The following MUCL1 variants were observed in gnomAD, a reference collection of about 807,000 sequenced individuals.
MUCL1 encodes the protein mucin like 1.
MUCL1 carries 11 observed loss-of-function variants against 9.2 expected under a neutral mutation model. The observed-to-expected ratio is 1.19, with a 90% CI of 0.75 to 1.97. The LOEUF is 1.97. Ranked by LOEUF, MUCL1 falls within the 30% of genes most tolerant of loss-of-function variation. MUCL1 has a pLI of 0.00. For synonymous variants in MUCL1, 48 were observed against 40.5 expected (o/e 1.19, Z -0.71); for missense variants, 144 against 110.9 (o/e 1.30, Z -1.34).
chr12:54,832,294 G>T (rs914094349), intron 1 of MUCL1, among the ~76,000 whole-genome samples: 2 of 152,030 alleles, frequency 1.3e-5, no homozygotes, highest in Non-Finnish European at 2.9e-5. Context: ...CTGTTAAAAA[G>T]ACAAATTTTG....
At chr12:54,837,796 A>G (rs949803534), upstream of MUCL1, among the ~76,000 whole-genome samples, 6 of 152,182 alleles carry the variant, frequency 3.9e-5, no homozygotes, top group African/African-American at 1.4e-4. Context: ...AAACAAAAAA[A>G]ATCAATGCTT....
upstream of MUCL1, among the ~76,000 whole-genome samples, chr12:54,834,809 A>G (rs1043561037): frequency 2.6e-5 from 4 of 152,046 alleles, no homozygotes; most frequent in Non-Finnish European, 5.9e-5. Flanking sequence ...GATGAATTGT[A>G]GAGTGGAGAA....
intron 1 of MUCL1, among the ~76,000 whole-genome samples, chr12:54,832,692 C>A (rs141053332): frequency 2.3e-4 from 35 of 152,048 alleles, no homozygotes; most frequent in Non-Finnish European, 4.6e-4. Context: ...TCACAGACGG[C>A]CCCTGGAAAA....
At chr12:54,839,212 A>C (rs892113799), upstream of MUCL1, among the ~76,000 whole-genome samples, 3 of 152,076 alleles carry the variant, frequency 2.0e-5, no homozygotes, top group Non-Finnish European at 4.4e-5. Context: ...TTGGTTATAG[A>C]GAGTCTTTGT....
chr12:54,847,324 A>C (rs1959271053), intron 1 of MUCL1, among the ~76,000 whole-genome samples: 2 of 152,192 alleles, frequency 1.3e-5, no homozygotes, highest in Admixed American at 1.3e-4. Flanking sequence ...ACAAGCAAAG[A>C]GCAAAGAAAG....
At chr12:54,856,062 A>C (rs969967079) in intron 2 of MUCL1, among the ~76,000 whole-genome samples, 3 of 152,072 alleles carry the variant, frequency 2.0e-5, no homozygotes, top group Non-Finnish European at 4.4e-5. Context: ...AGAGAGAGAT[A>C]ATTTTCAAAA....
intron 1 of MUCL1, among the ~76,000 whole-genome samples, chr12:54,831,581 G>A (rs1014122214): frequency 2.6e-5 from 4 of 151,870 alleles, no homozygotes; most frequent in African/African-American, 9.7e-5. Context: ...TTTCTTTTTG[G>A]TAACTTGAAA....
chr12:54,845,956 G>T (rs1959247564), intron 1 of MUCL1, among the ~76,000 whole-genome samples: 1 of 152,012 alleles, frequency 6.6e-6, no homozygotes, highest in Admixed American at 6.6e-5. Flanking sequence ...ATCATATACT[G>T]CATTTAATTG....
intron 1 of MUCL1, among the ~76,000 whole-genome samples, chr12:54,854,845 T>C (rs1868287472): frequency 6.6e-6 from 1 of 152,180 alleles, no homozygotes; most frequent in African/African-American, 2.4e-5. Flanking sequence ...CAATAATACC[T>C]TGGAACCCAA....
chr12:54,836,204 A>C (rs550887045), upstream of MUCL1, among the ~76,000 whole-genome samples: 1 of 152,158 alleles, frequency 6.6e-6, no homozygotes, highest in Non-Finnish European at 1.5e-5. Context: ...CTGTGAATCT[A>C]CCTGGCTGTG....
At chr12:54,843,553 T>C (rs1435086419) in intron 1 of MUCL1, among the ~76,000 whole-genome samples, 3 of 152,188 alleles carry the variant, frequency 2.0e-5, no homozygotes, top group African/African-American at 4.8e-5. Flanking sequence ...AATGAGCAAG[T>C]TATCCTGGAT....
chr12:54,855,073 T>C (rs1190711949), intron 1 of MUCL1, 43 bp from the exon 2 acceptor site: 1 of 1,579,044 alleles, frequency 6.3e-7, no homozygotes, highest in African/African-American at 1.3e-5. Flanking sequence ...TCCTCCAAAC[T>C]GGTATTCAGC....
chr12:54,843,041 G>A (rs1830100906), intron 1 of MUCL1, among the ~76,000 whole-genome samples: 3 of 152,170 alleles, frequency 2.0e-5, no homozygotes, highest in Admixed American at 6.5e-5. Flanking sequence ...CAGCCTAGGA[G>A]CAATAGGCTA....
At chr12:54,855,616 A>G (rs1351818911) in intron 2 of MUCL1, 1 of 168,952 alleles carries the variant, frequency 5.9e-6, no homozygotes, top group Non-Finnish European at 1.3e-5. Flanking sequence ...GTCAGTTCTA[A>G]GCTTTACTCT....
At chr12:54,831,125 T>A (rs1592243966) in intron 1 of MUCL1, among the ~76,000 whole-genome samples, 2 of 152,292 alleles carry the variant, frequency 1.3e-5, no homozygotes, top group African/African-American at 4.8e-5. Flanking sequence ...ACTTTGAAAA[T>A]GAAAGCACTA....
At chr12:54,842,759 C>A (rs938252082) in intron 1 of MUCL1, among the ~76,000 whole-genome samples, 1 of 151,988 alleles carries the variant, frequency 6.6e-6, no homozygotes, top group South Asian at 2.1e-4. Context: ...ATTATCTTTT[C>A]ATAATTTCTT....
chr12:54,844,419 C>T (rs1233609032), intron 1 of MUCL1, among the ~76,000 whole-genome samples: 1 of 152,138 alleles, frequency 6.6e-6, no homozygotes, highest in Non-Finnish European at 1.5e-5. Flanking sequence ...AACCATGACA[C>T]ACATTTATAA....
At chr12:54,834,324 T>C (rs1959189469) in intron 1 of MUCL1, among the ~76,000 whole-genome samples, 1 of 152,128 alleles carries the variant, frequency 6.6e-6, no homozygotes, top group South Asian at 2.1e-4. Flanking sequence ...TCAGCATTTT[T>C]AAACTACCTT....
chr12:54,848,331 G>A (rs970207294), intron 1 of MUCL1, among the ~76,000 whole-genome samples: 2 of 152,066 alleles, frequency 1.3e-5, no homozygotes, highest in Admixed American at 1.3e-4. Context: ...GGGCAGGTTT[G>A]TGATCCTTGA....
Sources: allele counts gnomAD v4.1 joint callset (sites outside exome capture counted in the v4.1 genomes callset), GRCh38; gene constraint gnomAD v4.1.1; transcripts MANE v1.5; gene names NCBI Gene and HGNC (gene_info 2026-07-23, HGNC 2026-07-21).